Variants in MITF observed in about 807,000 individuals in gnomAD.
MITF encodes microphthalmia-associated transcription factor.
MITF carries 17 observed loss-of-function variants against 60.5 expected under a neutral mutation model. The observed-to-expected ratio is 0.28, with a 90% CI of 0.19 to 0.42. The LOEUF is 0.42. MITF is among the 10% of genes least tolerant of loss of function. The pLI, the probability that MITF is intolerant of heterozygous loss-of-function variation, is 1.00. For missense variants in MITF, 622 were observed against 683.5 expected, an observed-to-expected ratio of 0.91 and a Z score of 1.00; for synonymous variants, 260 against 248.5, an observed-to-expected ratio of 1.05 and a Z score of -0.43.
At chr3:69,826,837 A>G (rs2063362916) in intron 1 of MITF, among the ~76,000 whole-genome samples, 2 of 152,142 alleles carry the variant, frequency 1.3e-5, no homozygotes, top group South Asian at 2.1e-4. Context: ...TTATTTTACT[A>G]TTTGTATCTG....
chr3:69,928,236 G>A (rs1261842195), intron 2 of MITF, among the ~76,000 whole-genome samples: 1 of 152,222 alleles, frequency 6.6e-6, no homozygotes, highest in African/African-American at 2.4e-5. Context: ...AAGAGCCATT[G>A]CTGCATGGGC....
intron 1 of MITF, among the ~76,000 whole-genome samples, chr3:69,832,576 G>A (rs781276842): frequency 1.3e-4 from 20 of 152,128 alleles, no homozygotes; most frequent in South Asian, 4.2e-4. Flanking sequence ...GATCACCTTC[G>A]TAGCTTGCTG....
chr3:69,822,586 C>T (rs907339426), intron 1 of MITF, among the ~76,000 whole-genome samples: 1 of 152,102 alleles, frequency 6.6e-6, no homozygotes, highest in Admixed American at 6.5e-5. Flanking sequence ...CCTAACCAAC[C>T]CGAACAGAAA....
chr3:69,946,614 C>A (rs2066103445), intron 5 of MITF, among the ~76,000 whole-genome samples: 1 of 152,048 alleles, frequency 6.6e-6, no homozygotes, highest in Admixed American at 6.6e-5. Context: ...ATGAGATGAC[C>A]CCCAGCAAAA....
chr3:69,846,232 T>C (rs967606558), intron 1 of MITF, among the ~76,000 whole-genome samples: 1 of 141,142 alleles, frequency 7.1e-6, no homozygotes, highest in Non-Finnish European at 1.6e-5. Flanking sequence ...GGGAAGAGCA[T>C]AGCAAACCAA....
intron 5 of MITF, 60 bp downstream of exon 5, chr3:69,941,391 T>C: frequency 3.9e-6 from 4 of 1,018,408 alleles, no homozygotes; most frequent in Non-Finnish European, 6.1e-6. Flanking sequence ...TCTTTTCTTT[T>C]TTCTTAAACT....
At position 69,815,076 on chromosome 3, in the gene MITF, C is replaced by T. The variant is rs368934458; in HGVS notation, c.105-64058C>T. Among the ~76,000 whole-genome samples, 6 of 152,254 alleles carry T rather than the reference C, an allele frequency of 3.9e-5. 1 individual carries two copies. In the East Asian group the frequency reaches 1.2e-3, roughly 29 times the overall value. ...TGCTAACCATAAATACAGTGGGGCCCAGGGCCTCAGGCATACAAAAACAAA... is the reference window on the plus strand; with the variant it reads ...TGCTAACCATAAATACAGTGGGGCCTAGGGCCTCAGGCATACAAAAACAAA... On this transcript the variant is annotated intron_variant, in intron 1 of 9. Transcript: ENST00000352241.
At chr3:69,920,847 C>T (rs577630917) in intron 2 of MITF, among the ~76,000 whole-genome samples, 12 of 152,258 alleles carry the variant, frequency 7.9e-5, no homozygotes, top group South Asian at 2.1e-4. Context: ...TCACTGCACA[C>T]GGGGAGAGAC....
rs538531497 is a variant in MITF, at chr3:69,844,521, G to C, written c.105-34613G>C. Among the ~76,000 whole-genome samples, 10 of 152,224 alleles carry C rather than the reference G, an allele frequency of 6.6e-5. No individual in the cohort carries two copies. In the East Asian group the frequency reaches 1.5e-3, roughly 24 times the overall value. ...AAGACCTAAAACCATAAAAACCCTA[G>C]AAGAAAACCTAGGCAATACCATTCA... On this transcript the variant is annotated intron_variant, in intron 1 of 9. Coordinates refer to ENST00000352241, the MANE Select transcript of MITF (RefSeq NM_001354604.2).
chr3:69,929,072 A>G (rs1358368378), intron 2 of MITF, among the ~76,000 whole-genome samples: 1 of 152,172 alleles, frequency 6.6e-6, no homozygotes, highest in Non-Finnish European at 1.5e-5. Flanking sequence ...AGGAAGACTG[A>G]GGGACTGTCA....
chr3:69,943,072 C>CTTT lies in MITF; in HGVS notation c.762+1760_762+1762dup, dbSNP rs781031439. On this transcript the variant is annotated intron_variant, in intron 5 of 9. Coordinates refer to ENST00000352241, the MANE Select transcript of MITF (RefSeq NM_001354604.2). Reference sequence around the variant, plus strand: ...CTAGTACTCAATGCATTAGCCTCCTCTTTTTTTTTTTTTTTTTTTTTGATA... The same window carrying CTTT: ...CTAGTACTCAATGCATTAGCCTCCTCTTTTTTTTTTTTTTTTTTTTTTTTGATA... Among the ~76,000 whole-genome samples the CTTT allele has an allele frequency of 1.5e-3, 189 of 124,864 alleles. 1 individual carries two copies. The highest frequency in any genetic ancestry group is 4.7e-3 in the African/African-American group (157 of 33,312). The allele number at this position is 124,864 out of a possible 152,430, so 81.9% of individuals were successfully genotyped here. A position where few individuals can be genotyped will look rare whatever the true frequency, so the allele number is the denominator to read the frequency against.
intron 9 of MITF, among the ~76,000 whole-genome samples, chr3:69,960,353 T>C (rs1018570740): frequency 6.6e-6 from 1 of 152,178 alleles, no homozygotes; most frequent in African/African-American, 2.4e-5. Flanking sequence ...ATTTTATTAA[T>C]ATGTGCCATT....
chr3:69,831,871 G>T (rs1239589212), intron 1 of MITF, among the ~76,000 whole-genome samples: 1 of 152,160 alleles, frequency 6.6e-6, no homozygotes, highest in Non-Finnish European at 1.5e-5. Flanking sequence ...TTTGTTGTGG[G>T]AGTCCACAAG....
At chr3:69,963,702 T>G (rs2066608119) in intron 9 of MITF, among the ~76,000 whole-genome samples, 1 of 152,178 alleles carries the variant, frequency 6.6e-6, no homozygotes. Flanking sequence ...TGGCACTTGT[T>G]TTCCTTCAAT....
chr3:69,950,128 C>T (rs1265426889), intron 6 of MITF, among the ~76,000 whole-genome samples: 1 of 151,920 alleles, frequency 6.6e-6, no homozygotes, highest in African/African-American at 2.4e-5. Flanking sequence ...ACAACAACAA[C>T]AACAAAAGCA....
chr3:69,922,562 A>G (rs571535019), intron 2 of MITF, among the ~76,000 whole-genome samples: 19 of 152,266 alleles, frequency 1.2e-4, no homozygotes, highest in East Asian at 3.9e-4. Flanking sequence ...GCCACATAAT[A>G]TAGTGGGTTT....
chr3:69,801,174 C>T lies in MITF; in HGVS notation c.104+61473C>T, dbSNP rs573411322. Among the ~76,000 whole-genome samples, 2 of 151,592 alleles carry T rather than the reference C, an allele frequency of 1.3e-5. 1 individual carries two copies. The highest frequency in any genetic ancestry group is 4.8e-5 in the African/African-American group (2 of 41,338). Reference sequence around the variant, plus strand: ...AATCCTGTAGAAAAAGCTCGGCTGACGTTAGCCAAGCTCATTTTGTATTCC... The same window carrying T: ...AATCCTGTAGAAAAAGCTCGGCTGATGTTAGCCAAGCTCATTTTGTATTCC... On this transcript the variant is annotated intron_variant, in intron 1 of 9. Transcript: ENST00000352241.
intron 1 of MITF, among the ~76,000 whole-genome samples, chr3:69,801,477 T>A (rs2106952164): frequency 6.6e-6 from 1 of 152,310 alleles, no homozygotes; most frequent in East Asian, 1.9e-4. Flanking sequence ...AATACTTTAT[T>A]TGTGGTCTCT....
chr3:69,745,693 CT>C (rs1300224872), intron 1 of MITF, among the ~76,000 whole-genome samples: 1 of 152,114 alleles, frequency 6.6e-6, no homozygotes, highest in African/African-American at 2.4e-5. Context: ...GGCAGAGAGG[CT>C]GCATGCATGT....
Sources: gnomAD v4.1 joint callset for allele counts (sites outside exome capture counted in the v4.1 genomes callset) on GRCh38, gnomAD v4.1.1 for gene constraint, MANE v1.5 for transcripts, NCBI Gene and HGNC (gene_info 2026-07-23, HGNC 2026-07-21) for gene names.